Variants in F7 observed in about 807,000 individuals in gnomAD.
F7 encodes FVII coagulation protein.
Under a neutral mutation model 47.5 loss-of-function variants are expected in F7, and 38 were observed. The observed-to-expected ratio is 0.80, with a 90% CI of 0.62 to 1.05. F7 has a LOEUF of 1.05. Among genes scored for constraint, F7 ranks in the 50% least tolerant of loss-of-function variants. The pLI is 0.00. For missense variants in F7, 575 were observed against 605.4 expected, an observed-to-expected ratio of 0.95 and a Z score of 0.53; for synonymous variants, 244 against 258.5, an observed-to-expected ratio of 0.94 and a Z score of 0.54.
In F7 at chr13:113,120,491, C is replaced by T. The variant is rs2036284252; in HGVS notation, c.*1483C>T. 1 of 155,114 alleles carries T rather than the reference C, an allele frequency of 6.4e-6. No homozygotes were observed. 9.6% of individuals were successfully genotyped at this position (155,114 alleles called of 1,614,324 possible). On this transcript the variant is annotated 3_prime_UTR_variant, in exon 8 of 8. Transcript: ENST00000346342. ...TCGATGCCATCCCTGCAGGGCCGTC[C>T]TGGGCACCACTGGCACTCACAGCAG...
rs556203682 is a variant in F7, at chr13:113,106,066, A to C, written c.64+161A>C. 1.2e-4 allele frequency among the ~76,000 whole-genome samples: 18 copies of C among 150,990 alleles called. No homozygotes were observed. The South Asian group carries it at 3.6e-3, about 30-fold the overall frequency. On this transcript the variant is annotated intron_variant, in intron 1 of 7. Transcript: ENST00000346342. ...TTCAATTTCTTTCCTTCTAGAAACC[A>C]GCATCCAGGCACAGGAGGGGAGGCC... is the stretch of plus-strand genomic sequence containing the variant.
intron 7 of F7, among the ~76,000 whole-genome samples, chr13:113,117,972 G>A (rs751728107): frequency 1.3e-5 from 2 of 152,354 alleles, no homozygotes; most frequent in Middle Eastern, 6.8e-3. Flanking sequence ...TAAAAGACTG[G>A]GGGCTTCTGC....
chr13:113,119,088 A>C lies in F7; in HGVS notation c.*80A>C. On this transcript the variant is annotated 3_prime_UTR_variant, in exon 8 of 8. Coordinates refer to ENST00000346342, the MANE Select transcript of F7 (RefSeq NM_019616.4). Reference sequence around the variant, plus strand: ...CACCAAATCCCATATATTCTTCTGCAGTTAATGGGGTAGAGGAGGGCATGG... The same window carrying C: ...CACCAAATCCCATATATTCTTCTGCCGTTAATGGGGTAGAGGAGGGCATGG... The C allele has an allele frequency of 1.2e-6, 1 of 849,018 alleles. No homozygotes were observed. Among genetic ancestry groups the C allele is most frequent in the Non-Finnish European group, 1.7e-6 (1 of 571,870 alleles). 52.6% of individuals were successfully genotyped at this position (849,018 alleles called of 1,614,324 possible). A position where few individuals can be genotyped will look rare whatever the true frequency, so the allele number is the denominator to read the frequency against.
intron 1 of F7, among the ~76,000 whole-genome samples, chr13:113,107,325 AGTGTGGGTGTCCCGGGG>A (rs1566904913): frequency 4.7e-5 from 2 of 42,898 alleles, no homozygotes; most frequent in African/African-American, 2.1e-4. Flanking sequence ...GTGTCCCGGG[AGTGTGGGTGTCCCGGGG>A]GCGTGGGTGT....
Position 113,118,691 on chromosome 13 carries a change from G to C in F7, c.1018G>C (p.Val340Leu). The change falls in exon 8 of 8, where the codon GTG becomes CTG. Residue 340 changes from valine to leucine, a missense_variant. By Grantham distance (32) the Val-to-Leu change is conservative. Transcript: ENST00000346342. Reference sequence around the variant, plus strand: ...GGCCCTGGAGCTCATGGTCCTCAACGTGCCCCGGCTGATGACCCAGGACTG... The same window carrying C: ...GGCCCTGGAGCTCATGGTCCTCAACCTGCCCCGGCTGATGACCCAGGACTG... ...ATALELMVLN[V>L]PRLMTQDCLQ... is the part of the protein sequence containing the mutation. The C allele has an allele frequency of 1.2e-6, 2 of 1,612,780 alleles. No homozygotes were observed. The highest frequency in any genetic ancestry group is 1.7e-6 in the Non-Finnish European group (2 of 1,179,888).
At chr13:113,118,364 T>C (rs2142231921) in intron 7 of F7, 49 bp from the exon 8 acceptor site, 1 of 1,540,616 alleles carries the variant, frequency 6.5e-7, no homozygotes. Flanking sequence ...CACCAGGGGG[T>C]GAGGTGGCAG....
chr13:113,110,275 T>C (rs1595071469), intron 1 of F7: 2 of 180,752 alleles, frequency 1.1e-5, no homozygotes, highest in East Asian at 3.7e-4. Flanking sequence ...GACGAGGGAT[T>C]TGGATTTCCG....
rs760341993 is a variant in F7 at position 113,118,464 on chromosome 13, C to T, written c.791C>T (p.Ala264Val). The T allele has an allele frequency of 1.0e-5, 16 of 1,607,032 alleles. No homozygotes were observed. The highest frequency in any genetic ancestry group is 4.4e-5 in the South Asian group (4 of 90,952). Residue 264 changes from alanine to valine, a missense_variant, in exon 8 of 8, where the codon GCG becomes GTG. Transcript: ENST00000346342. ...GGGGATGAGCAGAGCCGGCGGGTGG[C>T]GCAGGTCATCATCCCCAGCACGTAC... ...HDGDEQSRRV[A>V]QVIIPSTYVP...
chr13:113,107,039 T>C (rs1355180919), intron 1 of F7: 113 of 1,073,802 alleles, frequency 1.1e-4, no homozygotes, highest in Non-Finnish European at 1.5e-4. Flanking sequence ...GGGTGTTCCC[T>C]GCTCGAGAGG....
At chr13:113,106,820 G>T in intron 1 of F7, 1 of 1,576,224 alleles carries the variant, frequency 6.3e-7, no homozygotes, top group South Asian at 1.2e-5. Flanking sequence ...ATGGCCTTAT[G>T]ACCCCGGCCA....
intron 4 of F7, 58 bp downstream of exon 4, chr13:113,114,018 G>C (rs1295047636): frequency 4.1e-5 from 65 of 1,595,328 alleles, no homozygotes; most frequent in Admixed American, 3.0e-4. Flanking sequence ...TGGTGGAGGT[G>C]GCCTGGCCAA....
At chr13:113,106,852 C>T (rs759186656) in intron 1 of F7, 2 of 1,602,160 alleles carry the variant, frequency 1.2e-6, no homozygotes, top group Non-Finnish European at 1.7e-6. Context: ...CAGGCGGGGT[C>T]GCTAAGGCCT....
intron 1 of F7, among the ~76,000 whole-genome samples, chr13:113,108,785 C>T (rs2036026597): frequency 1.2e-5 from 1 of 85,698 alleles, no homozygotes; most frequent in African/African-American, 4.3e-5. Flanking sequence ...GTGGGTGTCC[C>T]AGGGGTGTGG....
chr13:113,112,200 CCT>C (rs1276224194), intron 2 of F7, among the ~76,000 whole-genome samples: 1 of 145,800 alleles, frequency 6.9e-6, no homozygotes, highest in African/African-American at 2.6e-5. Context: ...CCACAGGACA[CCT>C]CACACAGGAC....
rs376480220 is a variant in F7 at position 113,107,310 on chromosome 13, C to A, written c.64+1405C>A. Among the ~76,000 whole-genome samples, 191 of 57,414 alleles carry A rather than the reference C, an allele frequency of 3.3e-3. 16 individuals carry two copies. Among genetic ancestry groups the A allele is most frequent in the African/African-American group, 0.015 (182 of 12,012 alleles). 37.7% of individuals were successfully genotyped at this position (57,414 alleles called of 152,430 possible). On this transcript the variant is annotated intron_variant, in intron 1 of 7. Coordinates refer to ENST00000346342, the MANE Select transcript of F7 (RefSeq NM_019616.4). ...CCCAGGAGTGTGGGTGTCCCGGGGG[C>A]GTGGGTGTCCCGGGAGTGTGGGTGT...
chr13:113,108,837 G>A (rs1185114403), intron 1 of F7, among the ~76,000 whole-genome samples: 4 of 72,712 alleles, frequency 5.5e-5, no homozygotes, highest in African/African-American at 1.6e-4. Flanking sequence ...TGGGTGTCCC[G>A]GGGGAGTGGG....
Position 113,113,818 on chromosome 13 carries a change from C to T in F7, c.251-29C>T. The T allele has an allele frequency of 1.9e-6, 3 of 1,614,228 alleles. No homozygotes were observed. Among genetic ancestry groups the T allele is most frequent in the Admixed American group, 1.7e-5 (1 of 60,026 alleles). ...CACCAGTCCTGCCTGCAACCCTTCT[C>T]AGCTTACTGACACCAGCCCACTCCA... is the stretch of plus-strand genomic sequence containing the variant. On this transcript the variant is annotated intron_variant, in intron 3 of 7. Coordinates refer to ENST00000346342, the MANE Select transcript of F7 (RefSeq NM_019616.4). The surrounding 1 kb of genome is among the most constrained non-coding windows in gnomAD (Gnocchi z 4.1).
intron 1 of F7, among the ~76,000 whole-genome samples, chr13:113,110,075 T>A (rs2036059579): frequency 6.6e-6 from 1 of 151,784 alleles, no homozygotes; most frequent in Non-Finnish European, 1.5e-5. Context: ...GGTCTGGAGC[T>A]CTCAGGGGTC....
At chr13:113,106,029 T>C (rs1034595341) in intron 1 of F7, 124 bp downstream of exon 1, 2 of 760,364 alleles carry the variant, frequency 2.6e-6, no homozygotes, top group African/African-American at 3.5e-5. Context: ...GAGGGTTTTC[T>C]GGCGGCTCCT....
Sources: allele counts gnomAD v4.1 joint callset (sites outside exome capture counted in the v4.1 genomes callset), GRCh38; gene constraint gnomAD v4.1.1; non-coding constraint Gnocchi (gnomAD v3.1); transcripts MANE v1.5; gene names NCBI Gene and HGNC (gene_info 2026-07-23, HGNC 2026-07-21).